Variants in CALD1 observed in about 807,000 individuals in gnomAD.
CALD1 encodes the protein caldesmon 1.
CALD1 carries 33 observed loss-of-function variants against 99.9 expected under a neutral mutation model. The ratio of observed to expected loss-of-function variants is 0.33; its 90% CI spans 0.25 to 0.44. The LOEUF is 0.44. Ranked by LOEUF, CALD1 falls within the 20% of genes least tolerant of loss-of-function variation. The pLI is 1.00. For synonymous variants in CALD1, 310 were observed against 325.0 expected, an observed-to-expected ratio of 0.95 and a Z score of 0.50; for missense variants, 861 against 962.1, an observed-to-expected ratio of 0.89 and a Z score of 1.39.
At chr7:134,750,717 A>G (rs1432983968) in intron 1 of CALD1, among the ~76,000 whole-genome samples, 2 of 152,040 alleles carry the variant, frequency 1.3e-5, no homozygotes, top group African/African-American at 4.8e-5. Flanking sequence ...TGTATAAAAT[A>G]TATATTCAAT....
intron 2 of CALD1, among the ~76,000 whole-genome samples, chr7:134,865,849 A>C (rs539231507): frequency 6.6e-6 from 1 of 152,264 alleles, no homozygotes; most frequent in African/African-American, 2.4e-5. Context: ...TGACTACTTA[A>C]ATTTGATGAG....
chr7:134,846,038 T>C (rs942448873), intron 2 of CALD1, among the ~76,000 whole-genome samples: 2 of 152,196 alleles, frequency 1.3e-5, no homozygotes, highest in African/African-American at 2.4e-5. Context: ...CTATGGTCAT[T>C]GTCCAACTCC....
intron 1 of CALD1, among the ~76,000 whole-genome samples, chr7:134,831,144 G>A (rs765481662): frequency 1.3e-5 from 2 of 151,854 alleles, no homozygotes; most frequent in South Asian, 2.1e-4. Flanking sequence ...TAAAAATTGT[G>A]TAAAAAATAT....
chr7:134,925,539 T>TG (rs1804939422), intron 3 of CALD1, among the ~76,000 whole-genome samples: 1 of 152,068 alleles, frequency 6.6e-6, no homozygotes. Flanking sequence ...CTCAGGAAAC[T>TG]TACAATCATG....
chr7:134,761,123 A>G (rs754678524), intron 1 of CALD1, among the ~76,000 whole-genome samples: 15 of 152,218 alleles, frequency 9.9e-5, no homozygotes, highest in Non-Finnish European at 1.9e-4. Flanking sequence ...TCATTAGGAC[A>G]TAAGAAGTGA....
intron 3 of CALD1, chr7:134,891,563 C>A (rs1802173061): frequency 5.1e-6 from 8 of 1,567,330 alleles, no homozygotes; most frequent in Non-Finnish European, 6.1e-6. Context: ...GCCCTGACCG[C>A]CCGGCCTGGC....
At chr7:134,876,448 T>TA (rs1801357715) in intron 3 of CALD1, among the ~76,000 whole-genome samples, 1 of 152,216 alleles carries the variant, frequency 6.6e-6, no homozygotes. Context: ...ATGTACTGCA[T>TA]GTAGAGTGCT....
chr7:134,849,581 G>A (rs1205110965), intron 2 of CALD1, among the ~76,000 whole-genome samples: 3 of 151,634 alleles, frequency 2.0e-5, no homozygotes, highest in African/African-American at 7.3e-5. Context: ...ATTTTTTATT[G>A]TTGTATGGTT....
At chr7:134,870,546 C>CAGTA (rs1484345565) in intron 3 of CALD1, among the ~76,000 whole-genome samples, 4 of 152,178 alleles carry the variant, frequency 2.6e-5, no homozygotes, top group Admixed American at 2.6e-4. Flanking sequence ...GGAATGTACA[C>CAGTA]AGTAAGTCTT....
chr7:134,768,605 C>T (rs1310185453), intron 1 of CALD1, among the ~76,000 whole-genome samples: 1 of 152,070 alleles, frequency 6.6e-6, no homozygotes, highest in African/African-American at 2.4e-5. Flanking sequence ...GTCATAGGAA[C>T]ATCGGAGAAG....
At chr7:134,895,298 ATGTGTGTGTGTG>A (rs71172482) in intron 3 of CALD1, among the ~76,000 whole-genome samples, 205 of 138,708 alleles carry the variant, frequency 1.5e-3, no homozygotes, top group African/African-American at 4.0e-3. Flanking sequence ...TTATATATGT[ATGTGTGTGTGTG>A]TGTGTGTGTG....
intron 12 of CALD1, 39 bp downstream of exon 12, chr7:134,960,150 A>T (rs1251878943): frequency 6.2e-7 from 1 of 1,607,352 alleles, no homozygotes; most frequent in South Asian, 1.1e-5. Context: ...GTAGAGGGGC[A>T]TATTTTTTTG....
At chr7:134,913,574 A>T (rs996889845) in intron 3 of CALD1, among the ~76,000 whole-genome samples, 2 of 152,254 alleles carry the variant, frequency 1.3e-5, no homozygotes. Flanking sequence ...ATATGCATAC[A>T]TAAATGTATA....
intron 1 of CALD1, among the ~76,000 whole-genome samples, chr7:134,821,463 G>T (rs1419097845): frequency 6.6e-6 from 1 of 151,746 alleles, no homozygotes; most frequent in Non-Finnish European, 1.5e-5. Flanking sequence ...TATAATTTTA[G>T]AGATATCCAG....
chr7:134,952,939 T>C (rs1807473031), intron 9 of CALD1, among the ~76,000 whole-genome samples: 1 of 152,198 alleles, frequency 6.6e-6, no homozygotes, highest in Non-Finnish European at 1.5e-5. Context: ...TAATGCATGC[T>C]ATGTCCTATG....
chr7:134,941,320 T>C (rs534204636), intron 7 of CALD1, 83 bp downstream of exon 7: 3 of 1,149,430 alleles, frequency 2.6e-6, no homozygotes, highest in African/African-American at 3.1e-5. Flanking sequence ...ATCCTGTGCT[T>C]CCAGACAGAA....
At chr7:134,880,010 T>C (rs989853659) in intron 3 of CALD1, among the ~76,000 whole-genome samples, 4 of 152,234 alleles carry the variant, frequency 2.6e-5, no homozygotes, top group African/African-American at 9.6e-5. Context: ...TTGTTTAGAA[T>C]AGGAAATTCT....
At chr7:134,711,628 T>TTCTCTCTCTCTCTCTCTC in the CALD1 span, among the ~76,000 whole-genome samples, 91 of 64,030 alleles carry the variant, frequency 1.4e-3, 2 homozygotes, top group African/African-American at 8.1e-3. Context: ...CAACCTCAGC[T>TTCTCTCTCTCTCTCTCTC]TCTCTCTCTC....
chr7:134,807,982 C>T (rs949746125), intron 1 of CALD1, among the ~76,000 whole-genome samples: 16 of 152,082 alleles, frequency 1.1e-4, no homozygotes, highest in Admixed American at 4.6e-4. Context: ...AACCTCAATA[C>T]CAGGTGATAT....
Sources: allele counts gnomAD v4.1 joint callset (sites outside exome capture counted in the v4.1 genomes callset), GRCh38; gene constraint gnomAD v4.1.1; transcripts MANE v1.5; gene names NCBI Gene and HGNC (gene_info 2026-07-23, HGNC 2026-07-21).